Variants in AGTR1 observed in about 807,000 individuals in gnomAD.
AGTR1 encodes angiotensin II receptor type 1.
In AGTR1, 16 loss-of-function variants were observed where a neutral mutation model predicts 19.4. That is an observed-to-expected ratio of 0.82 (90% CI 0.56 to 1.25). AGTR1 has a LOEUF of 1.25. AGTR1 is among the 50% of genes most tolerant of loss of function. AGTR1 has a pLI of 0.00. For missense variants in AGTR1, 373 were observed against 431.9 expected (o/e 0.86, Z 1.21); for synonymous variants, 153 against 154.9 (o/e 0.99, Z 0.09).
At chr3:148,734,942 G>A (rs1272196505) in intron 2 of AGTR1, among the ~76,000 whole-genome samples, 2 of 152,206 alleles carry the variant, frequency 1.3e-5, no homozygotes, top group East Asian at 3.9e-4. Flanking sequence ...CCTCAGTAGA[G>A]ATGAAATGGA....
At chr3:148,719,770 G>A (rs1360147498) in intron 2 of AGTR1, among the ~76,000 whole-genome samples, 1 of 152,214 alleles carries the variant, frequency 6.6e-6, no homozygotes, top group Non-Finnish European at 1.5e-5. Context: ...TGGGGCCTGA[G>A]GCTGTCTTGT....
At chr3:148,699,260 A>G (rs1031054696) in intron 1 of AGTR1, among the ~76,000 whole-genome samples, 3 of 152,198 alleles carry the variant, frequency 2.0e-5, no homozygotes, top group Non-Finnish European at 4.4e-5. Context: ...CTTCCCGCTG[A>G]AGATGCTGCA....
At chr3:148,722,131 C>T (rs1713672425) in intron 2 of AGTR1, among the ~76,000 whole-genome samples, 1 of 152,136 alleles carries the variant, frequency 6.6e-6, no homozygotes, top group Admixed American at 6.5e-5. Context: ...CAATGTTTAG[C>T]ATCCATTATA....
intron 2 of AGTR1, chr3:148,730,330 C>T (rs1714178481): frequency 5.1e-6 from 2 of 395,220 alleles, no homozygotes; most frequent in Non-Finnish European, 8.9e-6. Context: ...CATTGTGTTT[C>T]TTCTCAGGTA....
chr3:148,739,130 G>A (rs1322882030), intron 2 of AGTR1, among the ~76,000 whole-genome samples: 5 of 152,294 alleles, frequency 3.3e-5, no homozygotes, highest in South Asian at 4.1e-4. Context: ...AGGCCAAGGC[G>A]GGTGGATCAC....
At chr3:148,737,728 C>T (rs923692133) in intron 2 of AGTR1, among the ~76,000 whole-genome samples, 8 of 152,200 alleles carry the variant, frequency 5.3e-5, no homozygotes, top group Non-Finnish European at 1.0e-4. Context: ...CCTCCACCCT[C>T]GAGTAGGAAA....
intron 2 of AGTR1, among the ~76,000 whole-genome samples, chr3:148,733,299 G>C (rs1576537612): frequency 1.3e-5 from 2 of 152,186 alleles, no homozygotes; most frequent in Non-Finnish European, 2.9e-5. Flanking sequence ...TATGTGGCTT[G>C]TATAATGTTA....
At chr3:148,705,304 A>G (rs988252950) in intron 1 of AGTR1, among the ~76,000 whole-genome samples, 2 of 152,176 alleles carry the variant, frequency 1.3e-5, no homozygotes, top group Admixed American at 6.5e-5. Context: ...ATCAGCACAT[A>G]TATTTTCCTT....
chr3:148,735,335 T>C (rs1436204873), intron 2 of AGTR1, among the ~76,000 whole-genome samples: 1 of 152,138 alleles, frequency 6.6e-6, no homozygotes, highest in Non-Finnish European at 1.5e-5. Flanking sequence ...TTAAAAACTT[T>C]TCCAGATCAA....
At chr3:148,727,990 C>G (rs1316811449) in intron 2 of AGTR1, among the ~76,000 whole-genome samples, 2 of 152,094 alleles carry the variant, frequency 1.3e-5, no homozygotes, top group Non-Finnish European at 1.5e-5. Context: ...TGTCTGCCTG[C>G]TAGATGCTAG....
chr3:148,740,938 T>G (rs1714834915), intron 2 of AGTR1, 51 bp from the exon 3 acceptor site: 1 of 1,492,974 alleles, frequency 6.7e-7, no homozygotes, highest in East Asian at 2.3e-5. Context: ...GTTAGTTTGT[T>G]TGTTTACAAT....
At chr3:148,698,181 TAA>T (rs1458101905) in intron 1 of AGTR1, 54 bp downstream of exon 1, 1 of 152,184 alleles carries the variant, frequency 6.6e-6, no homozygotes, top group African/African-American at 2.4e-5. Context: ...GGCGGGGTGC[TAA>T]GTTTCATGTC....
intron 2 of AGTR1, chr3:148,739,725 A>G (rs749939580): frequency 6.7e-6 from 8 of 1,197,326 alleles, no homozygotes; most frequent in Non-Finnish European, 8.4e-6. Flanking sequence ...ACATGTGTTC[A>G]GCTCTCCTGA....
chr3:148,720,567 C>T (rs778012496), intron 2 of AGTR1, among the ~76,000 whole-genome samples: 2 of 152,126 alleles, frequency 1.3e-5, no homozygotes, highest in Non-Finnish European at 2.9e-5. Flanking sequence ...TAGTAATTCA[C>T]AGGTTTGGCT....
intron 2 of AGTR1, among the ~76,000 whole-genome samples, chr3:148,732,161 T>TGACTC (rs1260749695): frequency 6.6e-6 from 1 of 152,256 alleles, no homozygotes; most frequent in Non-Finnish European, 1.5e-5. Context: ...CATGTAATCT[T>TGACTC]GACTCTCTAA....
At chr3:148,727,993 G>C (rs1384019477) in intron 2 of AGTR1, among the ~76,000 whole-genome samples, 24 of 152,080 alleles carry the variant, frequency 1.6e-4, no homozygotes, top group Admixed American at 1.6e-3. Flanking sequence ...CTGCCTGCTA[G>C]ATGCTAGTAA....
At chr3:148,730,084 C>A in intron 2 of AGTR1, 1 of 393,708 alleles carries the variant, frequency 2.5e-6, no homozygotes, top group Non-Finnish European at 4.5e-6. Context: ...TGATCTCATT[C>A]GGTGTTTCCA....
At chr3:148,706,192 A>G (rs1170755010) in intron 1 of AGTR1, among the ~76,000 whole-genome samples, 1 of 151,700 alleles carries the variant, frequency 6.6e-6, no homozygotes, top group African/African-American at 2.4e-5. Context: ...GAATGGTACT[A>G]TAAATCTGAC....
intron 2 of AGTR1, among the ~76,000 whole-genome samples, chr3:148,710,066 A>G (rs546567056): frequency 1.5e-4 from 23 of 152,286 alleles, no homozygotes; most frequent in African/African-American, 5.3e-4. Context: ...CTCAGTAGAC[A>G]CATGTGGTTA....
Sources: allele counts gnomAD v4.1 joint callset (sites outside exome capture counted in the v4.1 genomes callset), GRCh38; gene constraint gnomAD v4.1.1; transcripts MANE v1.5; gene names NCBI Gene and HGNC (gene_info 2026-07-23, HGNC 2026-07-21).